Variants in ITGB3 observed in about 807,000 individuals in gnomAD.
The protein encoded by ITGB3 is integrin subunit beta 3, also known as integrin beta-3.
ITGB3 carries 48 observed loss-of-function variants against 85.8 expected under a neutral mutation model. That is an observed-to-expected ratio of 0.56 (90% confidence interval 0.44 to 0.71). ITGB3 has a LOEUF of 0.71. Among genes scored for constraint, ITGB3 ranks in the 30% least tolerant of loss-of-function variants. The pLI, the probability that ITGB3 is intolerant of heterozygous loss-of-function variation, is 0.00. For synonymous variants in ITGB3, 363 were observed against 395.6 expected, an observed-to-expected ratio of 0.92 and a Z score of 0.98; for missense variants, 861 against 1,019.1, an observed-to-expected ratio of 0.84 and a Z score of 2.11.
rs575737673 is a variant in ITGB3, at chr17:47,261,391, T to A, written c.79+7451T>A. 5.9e-5 allele frequency among the ~76,000 whole-genome samples: 9 copies of A among 152,166 alleles called. No homozygotes were observed. In the East Asian group the frequency reaches 1.7e-3, roughly 29 times the overall value. On this transcript the variant is annotated intron_variant, in intron 1 of 14. Coordinates refer to ENST00000559488, the MANE Select transcript of ITGB3 (RefSeq NM_000212.3). ...AAGTACCAGTACCAGTTCCTTGTAG[T>A]CTTGTCCTTAAAGATAACCACTGTT...
chr17:47,273,886 C>T (rs1359311197), intron 1 of ITGB3, among the ~76,000 whole-genome samples: 1 of 152,180 alleles, frequency 6.6e-6, no homozygotes, highest in African/African-American at 2.4e-5. Context: ...GAGAAGATTT[C>T]AGATTTGCTT....
chr17:47,287,350 T>C (rs2065106604), intron 6 of ITGB3, 119 bp downstream of exon 6: 1 of 1,167,238 alleles, frequency 8.6e-7, no homozygotes, highest in Non-Finnish European at 1.3e-6. Context: ...GGTGCAGGGC[T>C]CGGTTCCAGC....
chr17:47,282,542 T>C (rs2065087557), intron 2 of ITGB3, among the ~76,000 whole-genome samples: 1 of 152,190 alleles, frequency 6.6e-6, no homozygotes, highest in Admixed American at 6.5e-5. Context: ...TAGTAAGCAG[T>C]TGTAAGTGCA....
chr17:47,298,339 C>CTACAGAGA (rs2065153336), intron 10 of ITGB3, among the ~76,000 whole-genome samples: 1 of 152,116 alleles, frequency 6.6e-6, no homozygotes, highest in Non-Finnish European at 1.5e-5. Context: ...CTATGGCATT[C>CTACAGAGA]ATGGGATTTG....
intron 6 of ITGB3, among the ~76,000 whole-genome samples, chr17:47,289,104 T>C (rs1027956386): frequency 1.3e-5 from 2 of 152,088 alleles, no homozygotes; most frequent in Non-Finnish European, 2.9e-5. Context: ...GACCACACGG[T>C]GGAGGATCAC....
chr17:47,257,238 T>C (rs2064993715), intron 1 of ITGB3, among the ~76,000 whole-genome samples: 1 of 152,224 alleles, frequency 6.6e-6, no homozygotes, highest in Non-Finnish European at 1.5e-5. Flanking sequence ...ATGAAACTGA[T>C]GGGGTCCCTT....
intron 2 of ITGB3, among the ~76,000 whole-genome samples, chr17:47,275,174 G>A (rs1280631499): frequency 2.0e-5 from 3 of 152,072 alleles, no homozygotes; most frequent in East Asian, 1.9e-4. Context: ...TGGGCCCCGC[G>A]GCTTTACATT....
intron 1 of ITGB3, among the ~76,000 whole-genome samples, chr17:47,266,870 G>A (rs2143048152): frequency 6.6e-6 from 1 of 152,096 alleles, no homozygotes; most frequent in Admixed American, 6.5e-5. Flanking sequence ...GCATGAGCCT[G>A]GATTTTCGAA....
chr17:47,280,200 A>G (rs545360940), intron 2 of ITGB3, among the ~76,000 whole-genome samples: 2 of 152,286 alleles, frequency 1.3e-5, no homozygotes, highest in East Asian at 1.9e-4. Context: ...CAGAAACTCT[A>G]CTTACTTCTT....
intron 2 of ITGB3, among the ~76,000 whole-genome samples, chr17:47,275,370 A>C (rs376827247): frequency 2.0e-5 from 3 of 151,834 alleles, no homozygotes; most frequent in African/African-American, 7.3e-5. Flanking sequence ...GCTGGGATGG[A>C]AATTTGGAGC....
chr17:47,302,117 A>C (rs574248748), intron 12 of ITGB3, among the ~76,000 whole-genome samples: 60 of 152,242 alleles, frequency 3.9e-4, no homozygotes, highest in African/African-American at 1.3e-3. Flanking sequence ...GCAGAATAAC[A>C]AACTTTAGAA....
rs145400697 is a variant in ITGB3 at position 47,282,796 on chromosome 17, T to C, written c.166-558T>C. On this transcript the variant is annotated intron_variant, in intron 2 of 14. Transcript: ENST00000559488. Reference sequence around the variant, plus strand: ...CTGTACTGGGTATAGTTATTTATTATATGTGTTATTCTCCACTCTCCTCCA... The same window carrying C: ...CTGTACTGGGTATAGTTATTTATTACATGTGTTATTCTCCACTCTCCTCCA... Among the ~76,000 whole-genome samples the C allele has an allele frequency of 1.5e-3, 228 of 152,356 alleles. 1 individual carries two copies. The highest frequency in any genetic ancestry group is 5.4e-3 in the African/African-American group (223 of 41,582).
At chr17:47,297,324 T>C (rs2065149423) in intron 10 of ITGB3, among the ~76,000 whole-genome samples, 1 of 151,968 alleles carries the variant, frequency 6.6e-6, no homozygotes, top group Non-Finnish European at 1.5e-5. Context: ...CCTCAAAGGG[T>C]TGTTATAACA....
chr17:47,289,417 C>T (rs1230347539), intron 6 of ITGB3, among the ~76,000 whole-genome samples: 1 of 152,050 alleles, frequency 6.6e-6, no homozygotes, highest in African/African-American at 2.4e-5. Context: ...CCTCCAACTC[C>T]TGGGCTGAAG....
intron 2 of ITGB3, 121 bp from the exon 3 acceptor site, chr17:47,283,233 T>A: frequency 1.1e-6 from 1 of 942,866 alleles, no homozygotes; most frequent in Middle Eastern, 2.1e-4. Flanking sequence ...CCACAACAAT[T>A]TGTTTATGCT....
intron 1 of ITGB3, among the ~76,000 whole-genome samples, chr17:47,272,739 T>TCTTTCTTTCTCTCCCCTTCCTTC (rs2065050006): frequency 6.7e-6 from 1 of 149,938 alleles, no homozygotes; most frequent in Non-Finnish European, 1.5e-5. Flanking sequence ...TTCTTTCTTT[T>TCTTTCTTTCTCTCCCCTTCCTTC]CTTTCTTTCT....
rs763023732 is a variant in ITGB3, at chr17:47,292,318, C to CT, written c.1443dup (p.Glu482Ter). Reference sequence around the variant, plus strand: ...ATCGCTGCAACAATGGCAATGGGACCTTTGAGTGTGGGGTATGCCGTTGTG... The same window carrying CT: ...ATCGCTGCAACAATGGCAATGGGACCTTTTGAGTGTGGGGTATGCCGTTGTG... On this transcript the variant is annotated frameshift_variant, in exon 10 of 15. Coordinates refer to ENST00000559488, the MANE Select transcript of ITGB3 (RefSeq NM_000212.3). LOFTEE classifies it high-confidence loss of function. The CT allele has an allele frequency of 3.7e-6, 6 of 1,614,216 alleles. No individual in the cohort carries two copies. The highest frequency in any genetic ancestry group is 5.1e-6 in the Non-Finnish European group (6 of 1,180,040).
At position 47,293,753 on chromosome 17, in the gene ITGB3, A is replaced by G. The variant is rs138829451; in HGVS notation, c.1690+1185A>G. On this transcript the variant is annotated intron_variant, in intron 10 of 14. Coordinates refer to ENST00000559488, the MANE Select transcript of ITGB3 (RefSeq NM_000212.3). Reference sequence around the variant, plus strand: ...CTCCCGAGTAGTTGGGACTATAGGCATGCGCCACGATGCCCAGCTAATTTT... The same window carrying G: ...CTCCCGAGTAGTTGGGACTATAGGCGTGCGCCACGATGCCCAGCTAATTTT... 7.0e-3 allele frequency among the ~76,000 whole-genome samples: 1,065 copies of G among 152,228 alleles called. 18 individuals carry two copies. Among genetic ancestry groups the G allele is most frequent in the African/African-American group, 0.023 (971 of 41,540 alleles).
At position 47,276,365 on chromosome 17, in the gene ITGB3, A is replaced by T. The variant is rs16941796; in HGVS notation, c.165+1861A>T. On this transcript the variant is annotated intron_variant, in intron 2 of 14. Transcript: ENST00000559488. ...TAGGTCACATAACCAGATTTCAAAG[A>T]TGCAAATGTAGAATATTTATGGGTG... is the stretch of plus-strand genomic sequence containing the variant. 8.5e-3 allele frequency among the ~76,000 whole-genome samples: 1,298 copies of T among 152,276 alleles called. 12 individuals carry two copies. The highest frequency in any genetic ancestry group is 0.03 in the African/African-American group (1,243 of 41,540).
Sources: gnomAD v4.1 joint callset for allele counts (sites outside exome capture counted in the v4.1 genomes callset) on GRCh38, gnomAD v4.1.1 for gene constraint, MANE v1.5 for transcripts, NCBI Gene and HGNC (gene_info 2026-07-23, HGNC 2026-07-21) for gene names.